Variants in MGAT5 observed in about 807,000 individuals in gnomAD.
The protein encoded by MGAT5 is alpha-1,6-mannosylglycoprotein 6-beta-N-acetylglucosaminyltransferase.
Under a neutral mutation model 94.3 loss-of-function variants are expected in MGAT5, and 30 were observed. The ratio of observed to expected loss-of-function variants is 0.32; its 90% CI spans 0.24 to 0.43. MGAT5 has a LOEUF of 0.43. Ranked by LOEUF, MGAT5 falls within the 20% of genes least tolerant of loss-of-function variation. The pLI is 1.00. For missense variants in MGAT5, 691 were observed against 905.5 expected (o/e 0.76, Z 3.04); for synonymous variants, 310 against 322.9 (o/e 0.96, Z 0.43).
At position 134,244,324 on chromosome 2, in the gene MGAT5, G is replaced by A. The variant is rs78060551; in HGVS notation, c.-142-9938G>A. On this transcript the variant is annotated intron_variant, in intron 1 of 16. Transcript: ENST00000409645. ...TTTTTTGTTTTTTTTTTTAATGGCT[G>A]TCTGATGAAGCATCATCCAGATTTG... is the stretch of plus-strand genomic sequence containing the variant. Among the ~76,000 whole-genome samples, 50 of 151,278 alleles carry A rather than the reference G, an allele frequency of 3.3e-4. 1 individual carries two copies. The East Asian group carries it at 7.4e-3, about 22-fold the overall frequency.
intron 4 of MGAT5, among the ~76,000 whole-genome samples, chr2:134,328,650 C>T (rs373596667): frequency 6.6e-6 from 1 of 152,024 alleles, no homozygotes; most frequent in Non-Finnish European, 1.5e-5. Context: ...TACCTGTGTG[C>T]CAGGTACTGC....
intron 10 of MGAT5, among the ~76,000 whole-genome samples, chr2:134,383,709 T>C (rs530485642): frequency 7.9e-6 from 1 of 126,632 alleles, no homozygotes; most frequent in African/African-American, 4.1e-5. Flanking sequence ...GAGCTAAGCA[T>C]TTTTTTTTTT....
chr2:134,221,809 G>A lies in MGAT5; in HGVS notation c.-142-32453G>A, dbSNP rs576790631. 3.5e-4 allele frequency among the ~76,000 whole-genome samples: 53 copies of A among 152,272 alleles called. 1 individual carries two copies. In the South Asian group the frequency reaches 0.011, roughly 31 times the overall value. ...AAAGGTGGGCACGTAAGATTGTAAG[G>A]TCCGGTTTGAGGAATAAAATTAGGA... On this transcript the variant is annotated intron_variant, in intron 1 of 16. Coordinates refer to the MGAT5 transcript ENST00000409645.
chr2:134,240,469 T>A (rs182187285), intron 1 of MGAT5, among the ~76,000 whole-genome samples: 45 of 152,254 alleles, frequency 3.0e-4, no homozygotes, highest in Admixed American at 2.9e-3. Context: ...CAGTATTTAT[T>A]AAGAGCTTGG....
intron 10 of MGAT5, among the ~76,000 whole-genome samples, chr2:134,363,486 A>G (rs932856866): frequency 1.3e-5 from 2 of 152,238 alleles, no homozygotes; most frequent in African/African-American, 4.8e-5. Context: ...GTCTTTGTTT[A>G]GTACAGTAGT....
chr2:134,132,858 G>T (rs565718643), intron 1 of MGAT5, among the ~76,000 whole-genome samples: 2 of 152,286 alleles, frequency 1.3e-5, no homozygotes, highest in East Asian at 3.9e-4. Context: ...TGTTTACTTG[G>T]AATCAACAAT....
At chr2:134,307,898 AG>A (rs1686425677) in intron 2 of MGAT5, among the ~76,000 whole-genome samples, 1 of 152,126 alleles carries the variant, frequency 6.6e-6, no homozygotes, top group Non-Finnish European at 1.5e-5. Flanking sequence ...GCATTAAAAA[AG>A]GGGGTAGCAG....
chr2:134,249,205 C>T (rs543579635), upstream of MGAT5, among the ~76,000 whole-genome samples: 20 of 151,664 alleles, frequency 1.3e-4, no homozygotes, highest in Admixed American at 6.6e-4. Flanking sequence ...TAGAGGTGGG[C>T]TTGCTTTCTT....
At chr2:134,371,526 C>T (rs1680798676) in intron 10 of MGAT5, among the ~76,000 whole-genome samples, 1 of 152,200 alleles carries the variant, frequency 6.6e-6, no homozygotes, top group Non-Finnish European at 1.5e-5. Flanking sequence ...CAGTTGACAG[C>T]CCAGCCCAGA....
intron 14 of MGAT5, among the ~76,000 whole-genome samples, chr2:134,440,097 A>AC: frequency 6.6e-6 from 1 of 151,190 alleles, no homozygotes. Context: ...CCCTCTCCTC[A>AC]CCCCCGAGTC....
At chr2:134,122,109 C>CT (rs36006435) in intron 1 of MGAT5, among the ~76,000 whole-genome samples, 40,848 of 148,784 alleles carry the variant, frequency 0.27, 5,838 homozygotes, top group East Asian at 0.38. Context: ...GCTCTCCTGT[C>CT]TTTTTTTTTT....
At chr2:134,292,771 T>A (rs1685452543) in intron 2 of MGAT5, among the ~76,000 whole-genome samples, 1 of 152,194 alleles carries the variant, frequency 6.6e-6, no homozygotes, top group Non-Finnish European at 1.5e-5. Context: ...GGGGTAGCTC[T>A]TGTAACCAGT....
Position 134,416,063 on chromosome 2 carries a change from G to T in MGAT5, c.1677+3048G>T, listed in dbSNP as rs1683940564. ...TAGATATTATTTTTCCATGTTTTAT[G>T]CCCAAATTGTAGATATTAATTTTCC... On this transcript the variant is annotated intron_variant, in intron 12 of 15. Coordinates refer to ENST00000281923, the MANE Select transcript of MGAT5 (RefSeq NM_002410.5). 3.3e-5 allele frequency among the ~76,000 whole-genome samples: 5 copies of T among 152,110 alleles called. 1 individual carries two copies. The South Asian group carries it at 1.0e-3, about 32-fold the overall frequency.
intron 15 of MGAT5, among the ~76,000 whole-genome samples, chr2:134,444,912 G>A (rs1685688348): frequency 6.6e-6 from 1 of 152,128 alleles, no homozygotes; most frequent in African/African-American, 2.4e-5. Context: ...ACATCCTCTG[G>A]ACAAGTCTCC....
intron 10 of MGAT5, among the ~76,000 whole-genome samples, chr2:134,363,593 G>T (rs1680238415): frequency 6.6e-6 from 1 of 152,220 alleles, no homozygotes; most frequent in Non-Finnish European, 1.5e-5. Context: ...CTGGTCAGTG[G>T]TGCTACAAGC....
chr2:134,377,883 C>T (rs111803822), intron 10 of MGAT5, among the ~76,000 whole-genome samples: 2 of 152,268 alleles, frequency 1.3e-5, no homozygotes, highest in Admixed American at 1.3e-4. Context: ...AGATACCAGA[C>T]GTGTCCAAGG....
At chr2:134,182,812 A>T in intron 1 of MGAT5, among the ~76,000 whole-genome samples, 1 of 123,438 alleles carries the variant, frequency 8.1e-6, no homozygotes, top group Non-Finnish European at 1.6e-5. Flanking sequence ...TTTGAGACAG[A>T]GTCTCCCTTT....
chr2:134,143,842 A>G (rs185458829), intron 1 of MGAT5, among the ~76,000 whole-genome samples: 1 of 152,346 alleles, frequency 6.6e-6, no homozygotes, highest in African/African-American at 2.4e-5. Flanking sequence ...AAGGCAGACT[A>G]TGAAATGAAG....
intron 1 of MGAT5, among the ~76,000 whole-genome samples, chr2:134,164,154 T>C (rs2105078655): frequency 6.6e-6 from 1 of 152,334 alleles, no homozygotes; most frequent in South Asian, 2.1e-4. Context: ...AAATTGGAGC[T>C]ACCCCCAGAA....
Sources: allele counts gnomAD v4.1 joint callset (sites outside exome capture counted in the v4.1 genomes callset), GRCh38; gene constraint gnomAD v4.1.1; transcripts MANE v1.5; gene names NCBI Gene and HGNC (gene_info 2026-07-23, HGNC 2026-07-21).